The following TLE4 variants were observed in gnomAD, a reference collection of about 807,000 sequenced individuals.
The protein encoded by TLE4 is TLE family member 4, transcriptional corepressor.
Under a neutral mutation model 92.8 loss-of-function variants are expected in TLE4, and 8 were observed. The observed-to-expected ratio is 0.09, with a 90% confidence interval of 0.05 to 0.16. TLE4 has a LOEUF of 0.16. Ranked by LOEUF, TLE4 falls within the 10% of genes least tolerant of loss-of-function variation. TLE4 has a pLI of 1.00. For missense variants in TLE4, 675 were observed against 997.6 expected, an observed-to-expected ratio of 0.68 and a Z score of 4.36; for synonymous variants, 371 against 374.1, an observed-to-expected ratio of 0.99 and a Z score of 0.10.
chr9:79,697,615 C>A (rs2068615318), intron 8 of TLE4, among the ~76,000 whole-genome samples: 1 of 151,782 alleles, frequency 6.6e-6, no homozygotes, highest in Non-Finnish European at 1.5e-5. Context: ...GGGGTGGAGC[C>A]AATAGCTTTA....
intron 6 of TLE4, among the ~76,000 whole-genome samples, chr9:79,650,314 T>C (rs893921054): frequency 2.6e-5 from 4 of 152,190 alleles, no homozygotes; most frequent in African/African-American, 9.7e-5. Context: ...ATTTGTGAGA[T>C]GTAGACTCAT....
chr9:79,721,652 C>T (rs2075663267), intron 16 of TLE4, 89 bp from the exon 17 acceptor site: 1 of 1,560,098 alleles, frequency 6.4e-7, no homozygotes, highest in East Asian at 2.3e-5. Flanking sequence ...ATAAGGCCTG[C>T]ATTGAAATTG....
rs1399353799 is a variant in TLE4, at chr9:79,723,043, G to A, written c.2214+8G>A. On this transcript the variant is annotated splice_region_variant and intron_variant, in intron 19 of 19. Coordinates refer to ENST00000376552, the MANE Select transcript of TLE4 (RefSeq NM_007005.6). ...GGGGCCAGTATATTCCAGGTAACAT[G>A]GAACTTGTTAACTACCACTTATGTT... is the stretch of plus-strand genomic sequence containing the variant. 6.2e-7 allele frequency: 1 copy of A among 1,612,968 alleles called. No homozygotes were observed. Among genetic ancestry groups the A allele is most frequent in the African/African-American group, 1.3e-5 (1 of 74,888 alleles).
At chr9:79,690,259 C>T (rs866069138) in intron 8 of TLE4, among the ~76,000 whole-genome samples, 1 of 152,174 alleles carries the variant, frequency 6.6e-6, no homozygotes, top group Admixed American at 6.5e-5. Flanking sequence ...CTACCCCTCC[C>T]ATAGGAAGTG....
chr9:79,647,762 C>T (rs551803298), intron 6 of TLE4, among the ~76,000 whole-genome samples: 44 of 151,882 alleles, frequency 2.9e-4, no homozygotes, highest in African/African-American at 1.0e-3. Flanking sequence ...CACACACACA[C>T]GTAGCACATA....
intron 6 of TLE4, among the ~76,000 whole-genome samples, chr9:79,642,170 A>G (rs2057287173): frequency 6.6e-6 from 1 of 152,014 alleles, no homozygotes; most frequent in South Asian, 2.1e-4. Flanking sequence ...ACGTTCTAAG[A>G]TCAAATGCAG....
chr9:79,607,010 A>G (rs542539273), intron 4 of TLE4, among the ~76,000 whole-genome samples: 1 of 152,072 alleles, frequency 6.6e-6, no homozygotes, highest in Admixed American at 6.5e-5. Context: ...AAGCCTTCCT[A>G]TTTCTCCACA....
intron 8 of TLE4, among the ~76,000 whole-genome samples, chr9:79,686,752 C>T (rs1170722573): frequency 1.3e-5 from 2 of 152,180 alleles, no homozygotes; most frequent in Admixed American, 1.3e-4. Flanking sequence ...GACTTGCAGA[C>T]TCCAGAACCG....
At chr9:79,588,071 G>A (rs1304037079) in intron 4 of TLE4, among the ~76,000 whole-genome samples, 2 of 151,758 alleles carry the variant, frequency 1.3e-5, no homozygotes, top group African/African-American at 4.8e-5. Flanking sequence ...CTACATTCTG[G>A]TTTTGAACCA....
intron 14 of TLE4, among the ~76,000 whole-genome samples, chr9:79,716,291 C>G (rs77787333): frequency 0.025 from 3,750 of 152,250 alleles, 157 homozygotes; most frequent in African/African-American, 0.084. Context: ...GGCACGTTCC[C>G]CATTACTTAT....
chr9:79,708,507 A>G, intron 12 of TLE4, 86 bp from the exon 13 acceptor site: 1 of 1,301,500 alleles, frequency 7.7e-7, no homozygotes, highest in Non-Finnish European at 1.1e-6. Flanking sequence ...TTTGAACCAT[A>G]GATTCTATTT....
chr9:79,718,601 C>G, intron 14 of TLE4, 121 bp from the exon 15 acceptor site: 2 of 1,372,160 alleles, frequency 1.5e-6, no homozygotes, highest in African/African-American at 1.5e-5. Flanking sequence ...TGGACAAATT[C>G]GATTTGTTCG....
intron 8 of TLE4, among the ~76,000 whole-genome samples, chr9:79,700,253 C>T (rs1254280534): frequency 1.3e-5 from 2 of 152,240 alleles, no homozygotes; most frequent in African/African-American, 4.8e-5. Context: ...TCTAGACTCA[C>T]ACCAGGCAGT....
intron 13 of TLE4, among the ~76,000 whole-genome samples, 190 bp from the exon 14 acceptor site, chr9:79,709,433 C>T (rs1327534774): frequency 1.3e-5 from 2 of 152,146 alleles, no homozygotes; most frequent in African/African-American, 4.8e-5. Flanking sequence ...CTGTGTTCCA[C>T]CCCCAAGTAT....
intron 6 of TLE4, among the ~76,000 whole-genome samples, chr9:79,628,896 G>A (rs2053424387): frequency 1.3e-5 from 2 of 151,840 alleles, no homozygotes; most frequent in African/African-American, 4.8e-5. Flanking sequence ...GTGTGTGTGT[G>A]TGTGTGTGTG....
At chr9:79,718,095 T>C (rs7039108) in intron 14 of TLE4, 44,850 of 456,306 alleles carry the variant, frequency 0.098, 2,668 homozygotes, top group African/African-American at 0.18. Context: ...GCTGTCAGGA[T>C]GCCTTTTTAG....
At chr9:79,654,975 C>T (rs1417129457) in intron 8 of TLE4, among the ~76,000 whole-genome samples, 1 of 152,166 alleles carries the variant, frequency 6.6e-6, no homozygotes, top group Non-Finnish European at 1.5e-5. Context: ...AACCCCGTCT[C>T]TATTAAAAAT....
At chr9:79,656,641 A>G (rs555068962) in intron 8 of TLE4, among the ~76,000 whole-genome samples, 22 of 152,324 alleles carry the variant, frequency 1.4e-4, no homozygotes, top group Non-Finnish European at 2.4e-4. Context: ...GATGTGGGCA[A>G]TCTTATACAG....
rs749505002 is a variant in TLE4 at position 79,573,305 on chromosome 9, C to T, written c.46-384C>T. 5 of 1,040,666 alleles carry T rather than the reference C, an allele frequency of 4.8e-6. No homozygotes were observed. The African/African-American group carries it at 5.2e-5, about 11-fold the overall frequency. 64.5% of individuals were successfully genotyped at this position (1,040,666 alleles called of 1,614,324 possible). ...AGAGGGTGGCGGCCGCCTCCCTCCTCCCCCGGCCTGACCGCAGCCCGACGC... is the reference window on the plus strand; with the variant it reads ...AGAGGGTGGCGGCCGCCTCCCTCCTTCCCCGGCCTGACCGCAGCCCGACGC... On this transcript the variant is annotated intron_variant, in intron 1 of 19. Coordinates refer to ENST00000376552, the MANE Select transcript of TLE4 (RefSeq NM_007005.6).
Sources: gnomAD v4.1 joint callset for allele counts (sites outside exome capture counted in the v4.1 genomes callset) on GRCh38, gnomAD v4.1.1 for gene constraint, MANE v1.5 for transcripts, NCBI Gene and HGNC (gene_info 2026-07-23, HGNC 2026-07-21) for gene names.